Variants in GFPT2 observed in about 807,000 individuals in gnomAD.
The protein encoded by GFPT2 is glutamine--fructose-6-phosphate transaminase 2.
Under a neutral mutation model 85.6 loss-of-function variants are expected in GFPT2, and 62 were observed. The observed-to-expected ratio is 0.72, with a 90% CI of 0.59 to 0.90. The LOEUF (loss-of-function observed/expected upper bound fraction) is 0.90, where lower values mean the gene tolerates loss of function less well. Among genes scored for constraint, GFPT2 ranks in the 40% least tolerant of loss-of-function variants. The pLI, the probability that GFPT2 is intolerant of heterozygous loss-of-function variation, is 0.00. For missense variants in GFPT2, 788 were observed against 893.4 expected (o/e 0.88, Z 1.50); for synonymous variants, 368 against 344.5 (o/e 1.07, Z -0.75).
chr5:180,319,543 T>C (rs970096309), intron 9 of GFPT2, among the ~76,000 whole-genome samples: 1 of 152,214 alleles, frequency 6.6e-6, no homozygotes, highest in Non-Finnish European at 1.5e-5. Flanking sequence ...GAAGAATCAA[T>C]TTATGAACTC....
At chr5:180,352,705 G>C (rs1404196482) in intron 1 of GFPT2, 16 of 416,790 alleles carry the variant, frequency 3.8e-5, no homozygotes, top group Non-Finnish European at 6.6e-5. Context: ...CACTGACGCA[G>C]CGGGGGCGAC....
intron 1 of GFPT2, among the ~76,000 whole-genome samples, chr5:180,350,590 C>A (rs775705119): frequency 1.3e-5 from 2 of 152,170 alleles, no homozygotes; most frequent in Admixed American, 6.5e-5. Flanking sequence ...CTGGAAAACA[C>A]TGGGCATTTC....
chr5:180,338,877 G>A (rs1052492477), intron 1 of GFPT2, among the ~76,000 whole-genome samples: 3 of 152,212 alleles, frequency 2.0e-5, no homozygotes, highest in African/African-American at 7.2e-5. Flanking sequence ...CTTTCAGCGT[G>A]GCAATGTCCA....
At chr5:180,326,247 G>T (rs907409314) in intron 7 of GFPT2, among the ~76,000 whole-genome samples, 1 of 152,194 alleles carries the variant, frequency 6.6e-6, no homozygotes, top group Non-Finnish European at 1.5e-5. Context: ...GAAAGGATGT[G>T]TGCCTTTCCC....
At chr5:180,335,681 G>A (rs368060912) in intron 4 of GFPT2, 147 bp downstream of exon 4, 3 of 835,964 alleles carry the variant, frequency 3.6e-6, no homozygotes, top group East Asian at 6.3e-5. Context: ...AGAGCTCTGG[G>A]AGAGGGGACA....
rs1277871328 is a variant in GFPT2, at chr5:180,304,920, T to G, written c.1694A>C (p.Tyr565Ser). The change falls in exon 17 of 19, where the codon TAC becomes TCC. Residue 565 changes from tyrosine to serine, a missense_variant. Coordinates refer to ENST00000253778, the MANE Select transcript of GFPT2 (RefSeq NM_005110.4). The part of the protein sequence containing the change: ...EGALKIKEIT[Y>S]MHSEGILAGE... Reference sequence around the variant, plus strand: ...AGCCAGGATGCCTTCTGAGTGCATGTAGGTTATCTCTTTAATTTTCTGGAA... The same window carrying G: ...AGCCAGGATGCCTTCTGAGTGCATGGAGGTTATCTCTTTAATTTTCTGGAA... The G allele has an allele frequency of 6.2e-7, 1 of 1,611,162 alleles. No individual in the cohort carries two copies. Among genetic ancestry groups the G allele is most frequent in the East Asian group, 2.2e-5 (1 of 44,784 alleles).
chr5:180,353,177 T>A lies in GFPT2; in HGVS notation c.7+34A>T, dbSNP rs374362463. On this transcript the variant is annotated intron_variant, in intron 1 of 18. Coordinates refer to ENST00000253778, the MANE Select transcript of GFPT2 (RefSeq NM_005110.4). ...GCGGCGCCGGGACCCGCGGACGGCG[T>A]GGAGGAGGCGGCTCGGGCGGGCGCG... 6.8e-4 allele frequency: 838 copies of A among 1,232,012 alleles called. 1 individual carries two copies. The highest frequency in any genetic ancestry group is 6.7e-4 in the Non-Finnish European group (656 of 986,232). The allele number at this position is 1,232,012 out of a possible 1,614,324, so 76.3% of individuals were successfully genotyped here.
Position 180,301,008 on chromosome 5 carries a change from G to C in GFPT2, c.*556C>G, listed in dbSNP as rs1266701044. Reference sequence around the variant, plus strand: ...TGCAGGAGGGGCTCCACGGATGTCAGAGAACAGGATTCAGGAGCAGCCTAG... The same window carrying C: ...TGCAGGAGGGGCTCCACGGATGTCACAGAACAGGATTCAGGAGCAGCCTAG... On this transcript the variant is annotated 3_prime_UTR_variant, in exon 19 of 19. Transcript: ENST00000253778. 1 of 153,546 alleles carries C rather than the reference G, an allele frequency of 6.5e-6. No individual in the cohort carries two copies. Among genetic ancestry groups the C allele is most frequent in the Non-Finnish European group, 1.5e-5 (1 of 68,744 alleles). 9.5% of individuals were successfully genotyped at this position (153,546 alleles called of 1,614,324 possible). A position where few individuals can be genotyped will look rare whatever the true frequency, so the allele number is the denominator to read the frequency against.
rs1257115071 is a variant in GFPT2 at position 180,312,281 on chromosome 5, C to G, written c.1546+149G>C. On this transcript the variant is annotated intron_variant, in intron 15 of 18. Coordinates refer to ENST00000253778, the MANE Select transcript of GFPT2 (RefSeq NM_005110.4). ...CCGAGCAGGATGAGGTCAGAGGCAG[C>G]AAGGCCTCCAGGAGGGAGTTGGGGA... 6.4e-6 allele frequency: 4 copies of G among 627,066 alleles called. No individual in the cohort carries two copies. The African/African-American group carries it at 7.3e-5, about 11-fold the overall frequency. The allele number at this position is 627,066 out of a possible 1,614,324, so 38.8% of individuals were successfully genotyped here.
At chr5:180,308,762 A>G (rs1007239212) in intron 15 of GFPT2, among the ~76,000 whole-genome samples, 30 of 152,236 alleles carry the variant, frequency 2.0e-4, no homozygotes, top group African/African-American at 6.0e-4. Context: ...ACTCTGTGAC[A>G]TCGTGAACTG....
intron 9 of GFPT2, among the ~76,000 whole-genome samples, chr5:180,322,905 G>A (rs12521558): frequency 0.043 from 6,594 of 151,854 alleles, 165 homozygotes; most frequent in Middle Eastern, 0.13. Flanking sequence ...GCGTGGTGGC[G>A]GGCACCTGTA....
intron 4 of GFPT2, chr5:180,331,766 A>ACTACAATGGGATC: frequency 1.7e-6 from 1 of 577,502 alleles, no homozygotes; most frequent in South Asian, 1.8e-5. Context: ...GGCAGCGGCT[A>ACTACAATGGGATC]CTACAATGGG....
chr5:180,330,854 C>G lies in GFPT2; in HGVS notation c.400-20G>C. 6.2e-7 allele frequency: 1 copy of G among 1,612,754 alleles called. No individual in the cohort carries two copies. Among genetic ancestry groups the G allele is most frequent in the Non-Finnish European group, 8.5e-7 (1 of 1,178,962 alleles). Reference sequence around the variant, plus strand: ...GCTTTCCTGGAATATGCAGTCGGCACAGTGTGAGAGATTGGTCATTGCACA... The same window carrying G: ...GCTTTCCTGGAATATGCAGTCGGCAGAGTGTGAGAGATTGGTCATTGCACA... On this transcript the variant is annotated intron_variant, in intron 5 of 18. Coordinates refer to ENST00000253778, the MANE Select transcript of GFPT2 (RefSeq NM_005110.4). The surrounding 1 kb of genome is among the most constrained non-coding windows in gnomAD (Gnocchi z 4.4).
At chr5:180,338,074 A>T (rs1057492178) in intron 2 of GFPT2, among the ~76,000 whole-genome samples, 1 of 152,174 alleles carries the variant, frequency 6.6e-6, no homozygotes, top group African/African-American at 2.4e-5. Flanking sequence ...GCAGTGAGCC[A>T]ATTTCTTGGA....
At chr5:180,347,339 G>A (rs555915334) in intron 1 of GFPT2, among the ~76,000 whole-genome samples, 118 of 152,364 alleles carry the variant, frequency 7.7e-4, no homozygotes, top group African/African-American at 2.8e-3. Context: ...CCCGGCCTGG[G>A]GGCAGAGGCT....
intron 9 of GFPT2, among the ~76,000 whole-genome samples, chr5:180,320,024 G>T (rs1010454477): frequency 6.6e-6 from 1 of 152,044 alleles, no homozygotes; most frequent in Non-Finnish European, 1.5e-5. Flanking sequence ...ACAGAGTCTC[G>T]CTCTGTCGCC....
chr5:180,330,492 C>T lies in GFPT2; in HGVS notation c.534+208G>A, dbSNP rs1412471757. On this transcript the variant is annotated intron_variant, in intron 6 of 18. Coordinates refer to ENST00000253778, the MANE Select transcript of GFPT2 (RefSeq NM_005110.4). The surrounding 1 kb of genome is among the most constrained non-coding windows in gnomAD (Gnocchi z 4.4). ...TTCTATTTGATGTTGACTACCCAAA[C>T]CACAGAACGTCTTCCAGTTCTACAA... Among the ~76,000 whole-genome samples the T allele has an allele frequency of 6.6e-6, 1 of 152,164 alleles. No individual in the cohort carries two copies. Among genetic ancestry groups the T allele is most frequent in the Non-Finnish European group, 1.5e-5 (1 of 68,032 alleles).
chr5:180,311,011 AG>A (rs1763871177), intron 15 of GFPT2, among the ~76,000 whole-genome samples: 1 of 152,222 alleles, frequency 6.6e-6, no homozygotes, highest in Non-Finnish European at 1.5e-5. Context: ...CCTGGCTTAA[AG>A]GAAGAATGCT....
intron 17 of GFPT2, 94 bp downstream of exon 17, chr5:180,304,673 GCCAGA>G (rs1203882225): frequency 2.8e-5 from 32 of 1,131,478 alleles, no homozygotes; most frequent in Non-Finnish European, 4.0e-5. Flanking sequence ...CCACTCACTG[GCCAGA>G]CCATCCATCA....
Sources: gnomAD v4.1 joint callset for allele counts (sites outside exome capture counted in the v4.1 genomes callset) on GRCh38, gnomAD v4.1.1 for gene constraint, Gnocchi (gnomAD v3.1) non-coding constraint, MANE v1.5 for transcripts, NCBI Gene and HGNC (gene_info 2026-07-23, HGNC 2026-07-21) for gene names.